Variants in CACNB2 observed in about 807,000 individuals in gnomAD.
The protein encoded by CACNB2 is voltage-dependent L-type calcium channel subunit beta-2.
CACNB2 carries 42 observed loss-of-function variants against 73.3 expected under a neutral mutation model. That is an observed-to-expected ratio of 0.57 (90% CI 0.45 to 0.74). The LOEUF is 0.74. Ranked by LOEUF, CACNB2 falls within the 30% of genes least tolerant of loss-of-function variation. The pLI is 0.00. For synonymous variants in CACNB2, 348 were observed against 310.3 expected, an observed-to-expected ratio of 1.12 and a Z score of -1.28; for missense variants, 940 against 853.0, an observed-to-expected ratio of 1.10 and a Z score of -1.27.
intron 2 of CACNB2, among the ~76,000 whole-genome samples, chr10:18,247,488 G>C (rs1320197780): frequency 6.6e-6 from 1 of 152,048 alleles, no homozygotes; most frequent in Non-Finnish European, 1.5e-5. Flanking sequence ...ATGAAGTGCC[G>C]GCTGGATATA....
Position 18,434,297 on chromosome 10 carries a change from C to T in CACNB2, c.333+32254C>T, listed in dbSNP as rs59698489. ...AAGACAGAAAGCACTTCAAATATTT[C>T]AGGGATAAAGTGATTTAACATAGGG... is the stretch of plus-strand genomic sequence containing the variant. On this transcript the variant is annotated intron_variant, in intron 3 of 13. Coordinates refer to ENST00000324631, the MANE Select transcript of CACNB2 (RefSeq NM_201596.3). 4.8e-3 allele frequency among the ~76,000 whole-genome samples: 733 copies of T among 152,072 alleles called. 11 individuals carry two copies. Among genetic ancestry groups the T allele is most frequent in the African/African-American group, 0.016 (671 of 41,480 alleles).
intron 3 of CACNB2, among the ~76,000 whole-genome samples, chr10:18,450,705 C>T (rs1376221739): frequency 1.4e-5 from 2 of 148,034 alleles, no homozygotes; most frequent in African/African-American, 5.0e-5. Flanking sequence ...TCACTGCAGT[C>T]GCCGCCCCCT....
At chr10:18,412,688 G>T (rs920316725) in intron 3 of CACNB2, among the ~76,000 whole-genome samples, 3 of 152,194 alleles carry the variant, frequency 2.0e-5, no homozygotes, top group African/African-American at 7.2e-5. Flanking sequence ...TACCACTCTG[G>T]TGGTTCCTGT....
intron 3 of CACNB2, among the ~76,000 whole-genome samples, chr10:18,408,616 G>A (rs1022778985): frequency 1.3e-5 from 2 of 152,068 alleles, no homozygotes; most frequent in Non-Finnish European, 2.9e-5. Context: ...AAACACATAG[G>A]TTTACAAAAC....
At chr10:18,305,060 T>A (rs1475926595) in intron 2 of CACNB2, among the ~76,000 whole-genome samples, 1 of 152,258 alleles carries the variant, frequency 6.6e-6, no homozygotes, top group Non-Finnish European at 1.5e-5. Flanking sequence ...ATGAAAATGA[T>A]TTTTCTTATT....
rs1393274115 is a variant in CACNB2, at chr10:18,442,986, GTATATATATATGTGTATATATATATA to G, written c.333+40945_333+40970del. Among the ~76,000 whole-genome samples, 17 of 19,246 alleles carry G rather than the reference GTATATATATATGTGTATATATATATA, an allele frequency of 8.8e-4. 3 individuals are homozygous for G. Among genetic ancestry groups the G allele is most frequent in the African/African-American group, 1.7e-3 (4 of 2,286 alleles). 12.6% of individuals were successfully genotyped at this position (19,246 alleles called of 152,430 possible). A position where few individuals can be genotyped will look rare whatever the true frequency, so the allele number is the denominator to read the frequency against. The stretch of plus-strand genomic sequence containing the variant: ...TATATATATGTGTATATATATATAT[GTATATATATATGTGTATATATATATA>G]TGTATATATATATATATATATATAA... On this transcript the variant is annotated intron_variant, in intron 3 of 13. Coordinates refer to ENST00000324631, the MANE Select transcript of CACNB2 (RefSeq NM_201596.3).
chr10:18,279,056 G>T (rs1306627672), intron 2 of CACNB2, among the ~76,000 whole-genome samples: 2 of 152,136 alleles, frequency 1.3e-5, no homozygotes, highest in Non-Finnish European at 2.9e-5. Flanking sequence ...TTGAAATTGA[G>T]CATATTGGAA....
intron 2 of CACNB2, among the ~76,000 whole-genome samples, chr10:18,194,050 G>T (rs2034519759): frequency 6.6e-6 from 1 of 152,116 alleles, no homozygotes; most frequent in Non-Finnish European, 1.5e-5. Context: ...GAGAAGCTGT[G>T]GTGTGAGCAC....
rs864622500 is a variant in CACNB2, at chr10:18,401,918, C to T, written c.214-6C>T. 104 of 1,613,784 alleles carry T rather than the reference C, an allele frequency of 6.4e-5. No individual in the cohort carries two copies. In the East Asian group the frequency reaches 2.3e-3, roughly 36 times the overall value. On this transcript the variant is annotated splice_region_variant and splice_polypyrimidine_tract_variant and intron_variant, in intron 2 of 13. Transcript: ENST00000324631. The stretch of plus-strand genomic sequence containing the variant: ...TCTACTTTAAAATGTACATTTTCCT[C>T]TCCAGGGTTCGGCAGACTCCTACAC...
chr10:18,307,402 T>C (rs1042723053), intron 2 of CACNB2, among the ~76,000 whole-genome samples: 2 of 152,106 alleles, frequency 1.3e-5, no homozygotes, highest in African/African-American at 4.8e-5. Flanking sequence ...GTGGAGGTTG[T>C]GGCGAGCCGA....
Position 18,407,215 on chromosome 10 carries a change from G to A in CACNB2, c.333+5172G>A, listed in dbSNP as rs143444214. On this transcript the variant is annotated intron_variant, in intron 3 of 13. Coordinates refer to ENST00000324631, the MANE Select transcript of CACNB2 (RefSeq NM_201596.3). The stretch of plus-strand genomic sequence containing the variant: ...TCAGCTCAGTGCAACTCCACCTCCC[G>A]GGTTCAAGCGATTCTCACACCTCAG... 6.5e-4 allele frequency among the ~76,000 whole-genome samples: 90 copies of A among 139,024 alleles called. 2 individuals carry two copies. In the East Asian group the frequency reaches 0.019, roughly 29 times the overall value. 91.2% of individuals were successfully genotyped at this position (139,024 alleles called of 152,430 possible).
intron 2 of CACNB2, among the ~76,000 whole-genome samples, chr10:18,208,056 T>C (rs11013005): frequency 0.082 from 12,551 of 152,254 alleles, 1,235 homozygotes; most frequent in African/African-American, 0.23. Flanking sequence ...ATTAGTTGCA[T>C]CTTTCTTGTC....
At chr10:18,244,829 T>C (rs2036798926) in intron 2 of CACNB2, among the ~76,000 whole-genome samples, 1 of 152,222 alleles carries the variant, frequency 6.6e-6, no homozygotes. Flanking sequence ...GATCTTGAGC[T>C]AGGAAGATTA....
At chr10:18,359,438 AT>A (rs1045545352) in intron 2 of CACNB2, among the ~76,000 whole-genome samples, 5 of 151,008 alleles carry the variant, frequency 3.3e-5, no homozygotes, top group Admixed American at 6.6e-5. Flanking sequence ...TGCCCGGCTA[AT>A]TTTTTTTTAT....
chr10:18,489,102 A>G (rs897658150), intron 3 of CACNB2, among the ~76,000 whole-genome samples: 1 of 152,126 alleles, frequency 6.6e-6, no homozygotes, highest in Non-Finnish European at 1.5e-5. Flanking sequence ...TCATGATATC[A>G]GGAGATCAAG....
intron 1 of CACNB2, among the ~76,000 whole-genome samples, chr10:18,146,772 C>T (rs113454100): frequency 0.021 from 3,227 of 152,188 alleles, 113 homozygotes; most frequent in African/African-American, 0.071. Context: ...AGGTGTGAGC[C>T]ACTGTGCCCA....
chr10:18,231,382 T>C (rs957997534), intron 2 of CACNB2, among the ~76,000 whole-genome samples: 2 of 152,214 alleles, frequency 1.3e-5, no homozygotes, highest in Non-Finnish European at 2.9e-5. Flanking sequence ...TTTCGCCATG[T>C]TGGCCAGGCT....
At chr10:18,487,607 G>T (rs2049132855) in intron 3 of CACNB2, among the ~76,000 whole-genome samples, 1 of 151,978 alleles carries the variant, frequency 6.6e-6, no homozygotes. Flanking sequence ...GACCGAGGTG[G>T]GTGGATCATC....
At chr10:18,527,343 T>TGCAGCCTGG (rs919308266) in intron 9 of CACNB2, among the ~76,000 whole-genome samples, 1 of 151,732 alleles carries the variant, frequency 6.6e-6, no homozygotes, top group Admixed American at 6.6e-5. Context: ...ACCACTGCAT[T>TGCAGCCTGG]GCAGCCTGGG....
Sources: gnomAD v4.1 joint callset for allele counts (sites outside exome capture counted in the v4.1 genomes callset) on GRCh38, gnomAD v4.1.1 for gene constraint, MANE v1.5 for transcripts, NCBI Gene and HGNC (gene_info 2026-07-23, HGNC 2026-07-21) for gene names.